The following BRIP1 variants were observed in gnomAD, a reference collection of about 807,000 sequenced individuals.
BRIP1 encodes BRCA1 interacting DNA helicase 1.
A neutral mutation model predicts 119.7 loss-of-function variants in BRIP1; 88 were observed. The ratio of observed to expected loss-of-function variants is 0.74; its 90% CI spans 0.62 to 0.88. BRIP1 has a LOEUF of 0.88. BRIP1 is among the 40% of genes least tolerant of loss of function. BRIP1 has a pLI of 0.00. For synonymous variants in BRIP1, 443 were observed against 496.5 expected, an observed-to-expected ratio of 0.89 and a Z score of 1.43; for missense variants, 1,259 against 1,455.4, an observed-to-expected ratio of 0.87 and a Z score of 2.20.
In BRIP1 at chr17:61,849,277, A is replaced by G. The variant is rs546956456; in HGVS notation, c.380-21T>C. 2.5e-6 allele frequency: 4 copies of G among 1,603,476 alleles called. No homozygotes were observed. The South Asian group carries it at 4.5e-5, about 18-fold the overall frequency. On this transcript the variant is annotated intron_variant, in intron 4 of 19. Transcript: ENST00000259008. ...GGAGTCTTATATAAGTAATTTAAAA[A>G]AAACAGCATAAATAACTTACAGGTA...
rs943064268 is a variant in BRIP1 at position 61,743,261 on chromosome 17, A to G, written c.2258-127T>C. 19 of 1,206,518 alleles carry G rather than the reference A, an allele frequency of 1.6e-5. No individual in the cohort carries two copies. The highest frequency in any genetic ancestry group is 2.1e-5 in the Admixed American group (1 of 47,108). 74.7% of individuals were successfully genotyped at this position (1,206,518 alleles called of 1,614,324 possible). A position where few individuals can be genotyped will look rare whatever the true frequency, so the allele number is the denominator to read the frequency against. On this transcript the variant is annotated intron_variant, in intron 15 of 19. Coordinates refer to ENST00000259008, the MANE Select transcript of BRIP1 (RefSeq NM_032043.3). The surrounding 1 kb of genome is among the most constrained non-coding windows in gnomAD (Gnocchi z 4.3). ...TTTAAAATAATCAAAATAAAACACT[A>G]TTATGAGATAAAGTTTTAAAAGTTC...
intron 14 of BRIP1, among the ~76,000 whole-genome samples, chr17:61,749,263 C>T (rs1318370846): frequency 6.6e-6 from 1 of 151,396 alleles, no homozygotes; most frequent in African/African-American, 2.4e-5. Context: ...GTAAAACCTA[C>T]GATTGGGACC....
chr17:61,742,886 A>G lies in BRIP1; in HGVS notation c.2379+127T>C. The G allele has an allele frequency of 8.1e-7, 1 of 1,237,024 alleles. No individual in the cohort carries two copies. The allele number at this position is 1,237,024 out of a possible 1,614,324, so 76.6% of individuals were successfully genotyped here. On this transcript the variant is annotated intron_variant, in intron 16 of 19. Transcript: ENST00000259008. The surrounding 1 kb of genome is among the most constrained non-coding windows in gnomAD (Gnocchi z 4.7). ...AAGACTTGCACAATGCAGGGTTACC[A>G]TAAACCTTCAATTTGTAAAAAAGCA...
chr17:61,858,657 G>A (rs1018951239), intron 3 of BRIP1, among the ~76,000 whole-genome samples: 1 of 152,056 alleles, frequency 6.6e-6, no homozygotes, highest in Non-Finnish European at 1.5e-5. Flanking sequence ...ACAGGCGTGC[G>A]CCACTGTGCC....
At position 61,814,446 on chromosome 17, in the gene BRIP1, C is replaced by A. The variant is rs1454548133; in HGVS notation, c.628-5689G>T. On this transcript the variant is annotated intron_variant, in intron 6 of 19. Coordinates refer to ENST00000259008, the MANE Select transcript of BRIP1 (RefSeq NM_032043.3). The surrounding 1 kb of genome is among the most constrained non-coding windows in gnomAD (Gnocchi z 4.9). ...AACCCTACAGAAAACCAAGAACAGG[C>A]AAATCACAGAAGAGAAAAGCTGAAA... Among the ~76,000 whole-genome samples the A allele has an allele frequency of 6.6e-6, 1 of 151,960 alleles. No homozygotes were observed. Among genetic ancestry groups the A allele is most frequent in the African/African-American group, 2.4e-5 (1 of 41,422 alleles).
Position 61,791,346 on chromosome 17 carries a change from G to A in BRIP1, c.1473+2251C>T, listed in dbSNP as rs1032445285. ...TCTACCAAAAATACAAATATTAGCC[G>A]GGCATGGTGGGGCATGCCTGTAGTC... On this transcript the variant is annotated intron_variant, in intron 10 of 19. Transcript: ENST00000259008. Among the ~76,000 whole-genome samples, 7 of 151,464 alleles carry A rather than the reference G, an allele frequency of 4.6e-5. No homozygotes were observed. The East Asian group carries it at 7.8e-4, about 17-fold the overall frequency.
At chr17:61,771,346 T>A (rs1038008220) in intron 14 of BRIP1, among the ~76,000 whole-genome samples, 1 of 152,168 alleles carries the variant, frequency 6.6e-6, no homozygotes, top group Non-Finnish European at 1.5e-5. Flanking sequence ...TGGTGATGAT[T>A]ACACAACTTT....
Position 61,681,235 on chromosome 17 carries a change from C to A in BRIP1, c.*2061G>T. ...GGACATAGCCAAACCACGTCACCAT[C>A]GTTCCCTAAATGTAAATGAGTAAGA... is the stretch of plus-strand genomic sequence containing the variant. On this transcript the variant is annotated 3_prime_UTR_variant, in exon 20 of 20. Transcript: ENST00000259008. This position sits in a 1 kb window ranked among gnomAD's most constrained non-coding sequence, Gnocchi z 5.1. The A allele has an allele frequency of 5.0e-6, 1 of 201,608 alleles. No homozygotes were observed. The highest frequency in any genetic ancestry group is 1.0e-5 in the Non-Finnish European group (1 of 98,002). 12.5% of individuals were successfully genotyped at this position (201,608 alleles called of 1,614,324 possible). A position where few individuals can be genotyped will look rare whatever the true frequency, so the allele number is the denominator to read the frequency against.
chr17:61,812,432 TG>T (rs1203337772), intron 6 of BRIP1, among the ~76,000 whole-genome samples: 2 of 152,094 alleles, frequency 1.3e-5, no homozygotes, highest in Non-Finnish European at 2.9e-5. Flanking sequence ...ACATAAGACA[TG>T]GGGCTTTCCA....
intron 5 of BRIP1, 40 bp from the exon 6 acceptor site, chr17:61,847,260 G>C (rs2145746085): frequency 6.2e-7 from 1 of 1,610,504 alleles, no homozygotes; most frequent in Non-Finnish European, 8.5e-7. Flanking sequence ...AGGTGAACTA[G>C]AAGTTTAACT....
At chr17:61,820,329 C>T (rs375155329) in intron 6 of BRIP1, among the ~76,000 whole-genome samples, 8 of 152,238 alleles carry the variant, frequency 5.3e-5, no homozygotes, top group African/African-American at 1.9e-4. Flanking sequence ...ACTGGAGGTC[C>T]ACAAATCATA....
chr17:61,835,043 T>C (rs1015646349), intron 6 of BRIP1, among the ~76,000 whole-genome samples: 5 of 152,256 alleles, frequency 3.3e-5, no homozygotes, highest in African/African-American at 1.2e-4. Context: ...CAGGGGTTGA[T>C]ATTGAGGAGA....
intron 10 of BRIP1, among the ~76,000 whole-genome samples, chr17:61,784,860 C>A (rs1409333849): frequency 6.6e-6 from 1 of 152,140 alleles, no homozygotes; most frequent in Non-Finnish European, 1.5e-5. Flanking sequence ...GATGCTGGAG[C>A]CATGCTTCGT....
rs769364081 is a variant in BRIP1, at chr17:61,849,163, T to C, written c.473A>G (p.Lys158Arg). ...RDENDDFQVEKKRIRPLETTQ... is the reference protein window; with the variant it reads ...RDENDDFQVERKRIRPLETTQ... ...AGTTTCTAAGGGTCGAATTCTTTTC[T>C]TCTCTACTTGAAAATCATCATTTTC... is the stretch of plus-strand genomic sequence containing the variant. The change falls in exon 5 of 20, where the codon AAG (lysine) becomes AGG (arginine). Residue 158 changes from lysine (K) to arginine (R), a missense_variant. By Grantham distance (26) the Lys-to-Arg change is conservative. Around this residue, in one of 3 missense-constraint regions of BRIP1, gnomAD observed 501 missense variants for 544.0 expected, o/e 0.92. Transcript: ENST00000259008. The C allele has an allele frequency of 6.2e-7, 1 of 1,613,590 alleles. No homozygotes were observed.
In BRIP1 at chr17:61,689,372, A is replaced by AAAAAAC. The variant is rs2061413424; in HGVS notation, c.2576-3213_2576-3208dup. Among the ~76,000 whole-genome samples, 1 of 152,116 alleles carries AAAAAAC rather than the reference A, an allele frequency of 6.6e-6. No homozygotes were observed. Among genetic ancestry groups the AAAAAAC allele is most frequent in the South Asian group, 2.1e-4 (1 of 4,822 alleles). On this transcript the variant is annotated intron_variant, in intron 18 of 19. Coordinates refer to ENST00000259008, the MANE Select transcript of BRIP1 (RefSeq NM_032043.3). The surrounding 1 kb of genome is among the most constrained non-coding windows in gnomAD (Gnocchi z 4.5). ...TCATCCAGTCAGGGAAGCAAAAAGT[A>AAAAAAC]AAAAACAAAATGGAAAAAAAAAAGT...
In BRIP1 at chr17:61,734,408, T is replaced by C. The variant is rs908758205; in HGVS notation, c.2379+8605A>G. On this transcript the variant is annotated intron_variant, in intron 16 of 19. Transcript: ENST00000259008. The surrounding 1 kb of genome is among the most constrained non-coding windows in gnomAD (Gnocchi z 5.2). ...CAGAAAGTTTTCTTTTTAACTATTATACGATTAAGTATATCCTTATGAATG... is the reference window on the plus strand; with the variant it reads ...CAGAAAGTTTTCTTTTTAACTATTACACGATTAAGTATATCCTTATGAATG... 6.6e-6 allele frequency among the ~76,000 whole-genome samples: 1 copy of C among 152,230 alleles called. No homozygotes were observed. The highest frequency in any genetic ancestry group is 2.4e-5 in the African/African-American group (1 of 41,466).
chr17:61,787,410 T>C (rs1354288525), intron 10 of BRIP1, among the ~76,000 whole-genome samples: 1 of 132,660 alleles, frequency 7.5e-6, no homozygotes. Flanking sequence ...TTATATAAAA[T>C]ATTTATATAA....
In BRIP1 at chr17:61,846,305, T is replaced by C. The variant is rs1478460116; in HGVS notation, c.627+796A>G. ...TTGGAGCCAATACCTTGATTTCTGC[T>C]AAGGCACCAACAGTTTTACCCATTC... On this transcript the variant is annotated intron_variant, in intron 6 of 19. Transcript: ENST00000259008. This position sits in a 1 kb window ranked among gnomAD's most constrained non-coding sequence, Gnocchi z 4.3. 2.6e-5 allele frequency among the ~76,000 whole-genome samples: 4 copies of C among 151,610 alleles called. No homozygotes were observed. The highest frequency in any genetic ancestry group is 9.7e-5 in the African/African-American group (4 of 41,326).
intron 13 of BRIP1, among the ~76,000 whole-genome samples, chr17:61,777,257 T>C (rs895375779): frequency 5.3e-5 from 8 of 152,224 alleles, no homozygotes; most frequent in African/African-American, 9.6e-5. Context: ...AAATGTAGCA[T>C]TGAGTAGAAA....
Sources: allele counts gnomAD v4.1 joint callset (sites outside exome capture counted in the v4.1 genomes callset), GRCh38; gene constraint gnomAD v4.1.1; regional missense constraint gnomAD v4.1.1; non-coding constraint Gnocchi (gnomAD v3.1); transcripts MANE v1.5; gene names NCBI Gene and HGNC (gene_info 2026-07-23, HGNC 2026-07-21).